The following PTPRZ1 variants were observed in gnomAD, a reference collection of about 807,000 sequenced individuals.
PTPRZ1 encodes protein tyrosine phosphatase receptor type Z1, also known as receptor-type tyrosine-protein phosphatase zeta.
Under a neutral mutation model 214.1 loss-of-function variants are expected in PTPRZ1, and 82 were observed. That is an observed-to-expected ratio of 0.38 (90% CI 0.32 to 0.46). The LOEUF (loss-of-function observed/expected upper bound fraction) is 0.46. PTPRZ1 is among the 20% of genes least tolerant of loss of function. The pLI is 1.00. For synonymous variants in PTPRZ1, 945 were observed against 987.9 expected (o/e 0.96, Z 0.81); for missense variants, 2,603 against 2,748.7 (o/e 0.95, Z 1.19).
chr7:122,038,587 A>G (rs1036965884), intron 18 of PTPRZ1, among the ~76,000 whole-genome samples, 168 bp from the exon 19 acceptor site: 3 of 150,606 alleles, frequency 2.0e-5, no homozygotes, highest in Non-Finnish European at 2.9e-5. Flanking sequence ...TTTCTAACCA[A>G]GAGTAGCTAT....
At chr7:121,987,480 C>G (rs1283751617) in intron 8 of PTPRZ1, among the ~76,000 whole-genome samples, 1 of 152,150 alleles carries the variant, frequency 6.6e-6, no homozygotes, top group Non-Finnish European at 1.5e-5. Flanking sequence ...TGAGAAATCT[C>G]CAGATTGCTT....
chr7:121,910,378 T>C (rs1178806291), intron 1 of PTPRZ1, among the ~76,000 whole-genome samples: 1 of 152,176 alleles, frequency 6.6e-6, no homozygotes, highest in East Asian at 1.9e-4. Context: ...AGTCATTTAT[T>C]ATGGTTTTTG....
At chr7:122,043,551 A>G (rs1799794008) in intron 22 of PTPRZ1, among the ~76,000 whole-genome samples, 1 of 152,198 alleles carries the variant, frequency 6.6e-6, no homozygotes, top group African/African-American at 2.4e-5. Flanking sequence ...GAAACCTATG[A>G]ATGGCAGCTT....
chr7:122,018,769 G>C (rs1480781814), intron 12 of PTPRZ1, among the ~76,000 whole-genome samples: 1 of 151,996 alleles, frequency 6.6e-6, no homozygotes, highest in African/African-American at 2.4e-5. Flanking sequence ...AAGTAGCGCT[G>C]TTTTTCCTGA....
intron 2 of PTPRZ1, among the ~76,000 whole-genome samples, chr7:121,951,347 C>T (rs985648455): frequency 6.6e-6 from 1 of 152,098 alleles, no homozygotes; most frequent in South Asian, 2.1e-4. Context: ...TTTGATATTA[C>T]TAGTATCACT....
At chr7:121,904,228 G>C (rs1795054638) in intron 1 of PTPRZ1, among the ~76,000 whole-genome samples, 1 of 152,098 alleles carries the variant, frequency 6.6e-6, no homozygotes, top group African/African-American at 2.4e-5. Flanking sequence ...AAACAGAATG[G>C]GGAGACAAGG....
At position 121,981,373 on chromosome 7, in the gene PTPRZ1, C is replaced by T. The variant is rs559212567; in HGVS notation, c.620-2292C>T. On this transcript the variant is annotated intron_variant, in intron 6 of 29. Coordinates refer to ENST00000393386, the MANE Select transcript of PTPRZ1 (RefSeq NM_002851.3). ...CCTGGATTATTCACATAAGGATTAA[C>T]ACCACTGCTCTACACTCCGCCACCT... Among the ~76,000 whole-genome samples, 427 of 152,264 alleles carry T rather than the reference C, an allele frequency of 2.8e-3. 1 individual carries two copies. Among genetic ancestry groups the T allele is most frequent in the Non-Finnish European group, 3.4e-3 (234 of 68,014 alleles).
At chr7:121,874,237 T>C (rs750410145) in intron 1 of PTPRZ1, among the ~76,000 whole-genome samples, 18 of 152,312 alleles carry the variant, frequency 1.2e-4, no homozygotes, top group Non-Finnish European at 2.2e-4. Flanking sequence ...CAGGTTGATA[T>C]ACTTATTCAC....
chr7:121,903,274 T>A (rs954118498), intron 1 of PTPRZ1, among the ~76,000 whole-genome samples: 1 of 152,164 alleles, frequency 6.6e-6, no homozygotes, highest in African/African-American at 2.4e-5. Flanking sequence ...AATGCATATT[T>A]TTTTCTGGCA....
chr7:121,963,608 CA>C (rs1481513048), intron 2 of PTPRZ1, among the ~76,000 whole-genome samples: 4 of 152,080 alleles, frequency 2.6e-5, no homozygotes, highest in Non-Finnish European at 4.4e-5. Flanking sequence ...AAACTCCACC[CA>C]GGGGTGTGGT....
At chr7:121,972,473 GGAAATTTAGTT>G (rs1377039876) in intron 3 of PTPRZ1, 57 bp from the exon 4 acceptor site, 1 of 1,408,844 alleles carries the variant, frequency 7.1e-7, no homozygotes, top group African/African-American at 1.4e-5. Context: ...TTAAGTAGAT[GGAAATTTAGTT>G]GAAATTTAAA....
At chr7:121,990,098 T>C (rs1797903510) in intron 8 of PTPRZ1, among the ~76,000 whole-genome samples, 1 of 152,162 alleles carries the variant, frequency 6.6e-6, no homozygotes, top group South Asian at 2.1e-4. Flanking sequence ...ATTTTGGACC[T>C]TCAGTTCATA....
chr7:121,947,713 T>A (rs1353019656), intron 2 of PTPRZ1, among the ~76,000 whole-genome samples: 1 of 152,220 alleles, frequency 6.6e-6, no homozygotes, highest in East Asian at 1.9e-4. Flanking sequence ...ACTGAGGATT[T>A]GCTTTGTAGC....
chr7:121,909,238 T>C (rs1399575101), intron 1 of PTPRZ1, among the ~76,000 whole-genome samples: 2 of 152,102 alleles, frequency 1.3e-5, no homozygotes, highest in African/African-American at 4.8e-5. Flanking sequence ...GCTCCAGTGC[T>C]CACCAAAATA....
At chr7:121,951,404 GA>G (rs1020883255) in intron 2 of PTPRZ1, among the ~76,000 whole-genome samples, 4 of 152,166 alleles carry the variant, frequency 2.6e-5, no homozygotes, top group African/African-American at 9.6e-5. Context: ...TTTATTTGAA[GA>G]AATGTCCTAA....
chr7:122,052,732 G>A (rs1792225277), intron 25 of PTPRZ1, among the ~76,000 whole-genome samples: 1 of 152,086 alleles, frequency 6.6e-6, no homozygotes, highest in African/African-American at 2.4e-5. Context: ...TAGCTTCTAG[G>A]TATCTGTAGC....
At chr7:121,896,430 G>A (rs1236759606) in intron 1 of PTPRZ1, among the ~76,000 whole-genome samples, 2 of 152,162 alleles carry the variant, frequency 1.3e-5, no homozygotes. Context: ...ATAGCTGAGA[G>A]ATGGAAACAA....
In PTPRZ1 at chr7:121,968,077, G is replaced by A; in HGVS notation, c.251G>A (p.Gly84Asp). ...AATCTTAAGAAACTTAAATTTCAGG[G>A]TTGGGATAAAACATCATTGGAAAAC... ...NVNLKKLKFQ[G>D]WDKTSLENTF... is the part of the protein sequence containing the mutation. The change falls in exon 3 of 30, where the codon GGT becomes GAT. Residue 84 changes from glycine to aspartate, a missense_variant. Physicochemically the swap from Gly to Asp is moderately conservative, Grantham distance 94. Coordinates refer to ENST00000393386, the MANE Select transcript of PTPRZ1 (RefSeq NM_002851.3). 6.2e-7 allele frequency: 1 copy of A among 1,607,518 alleles called. No homozygotes were observed. The highest frequency in any genetic ancestry group is 8.5e-7 in the Non-Finnish European group (1 of 1,176,430).
chr7:122,041,329 A>G (rs1180220989), intron 21 of PTPRZ1, among the ~76,000 whole-genome samples: 2 of 148,046 alleles, frequency 1.4e-5, no homozygotes, highest in Admixed American at 1.3e-4. Context: ...TGCTTGAGCT[A>G]CAACCCCTGT....
Sources: allele counts gnomAD v4.1 joint callset (sites outside exome capture counted in the v4.1 genomes callset), GRCh38; gene constraint gnomAD v4.1.1; transcripts MANE v1.5; gene names NCBI Gene and HGNC (gene_info 2026-07-23, HGNC 2026-07-21).